The following REEP3 variants were observed in gnomAD, a reference collection of about 807,000 sequenced individuals.
The protein encoded by REEP3 is receptor expression-enhancing protein 3.
In REEP3, 20 loss-of-function variants were observed where a neutral mutation model predicts 41.3. The observed-to-expected ratio is 0.48, with a 90% CI of 0.34 to 0.70. The LOEUF is 0.70. Among genes scored for constraint, REEP3 ranks in the 30% least tolerant of loss-of-function variants. The pLI is 0.01. For synonymous variants in REEP3, 104 were observed against 101.8 expected (o/e 1.02, Z -0.13); for missense variants, 271 against 308.8 (o/e 0.88, Z 0.92).
chr10:63,547,629 C>T (rs1420574989), intron 1 of REEP3, among the ~76,000 whole-genome samples: 4 of 152,194 alleles, frequency 2.6e-5, no homozygotes, highest in Admixed American at 2.0e-4. Context: ...TGTACCATCA[C>T]ACCTTTAGGA....
chr10:63,605,191 A>G (rs947356470), intron 5 of REEP3, among the ~76,000 whole-genome samples: 5 of 152,258 alleles, frequency 3.3e-5, no homozygotes, highest in Non-Finnish European at 5.9e-5. Flanking sequence ...TTTTGGTGGT[A>G]GGTTACAAAT....
At chr10:63,600,781 T>C (rs753842219) in intron 5 of REEP3, among the ~76,000 whole-genome samples, 13 of 152,226 alleles carry the variant, frequency 8.5e-5, no homozygotes, top group African/African-American at 1.2e-4. Flanking sequence ...AAAGAATGAC[T>C]GACTCTAAGT....
intron 2 of REEP3, among the ~76,000 whole-genome samples, chr10:63,590,568 G>A (rs1200413679): frequency 2.0e-5 from 3 of 151,864 alleles, no homozygotes; most frequent in Non-Finnish European, 4.4e-5. Context: ...AGGCTACATA[G>A]AAGGGAGGTG....
intron 7 of REEP3, 118 bp downstream of exon 7, chr10:63,619,918 ATTTTT>A (rs71463534): frequency 1.1e-3 from 281 of 249,640 alleles, no homozygotes; most frequent in Non-Finnish European, 1.2e-3. Context: ...CAGCAGTTTG[ATTTTT>A]TTTTTTTTTT....
intron 2 of REEP3, among the ~76,000 whole-genome samples, chr10:63,590,375 A>T (rs1301844583): frequency 6.6e-6 from 1 of 152,206 alleles, no homozygotes; most frequent in Non-Finnish European, 1.5e-5. Context: ...TAATGTTGCC[A>T]CCTGAGTCCT....
intron 5 of REEP3, chr10:63,605,960 T>G: frequency 8.5e-5 from 17 of 200,994 alleles, no homozygotes; most frequent in South Asian, 1.7e-4. Flanking sequence ...ATCCAAAACC[T>G]GAGAATTTAG....
At chr10:63,575,005 C>T (rs1410193475) in intron 2 of REEP3, among the ~76,000 whole-genome samples, 6 of 151,660 alleles carry the variant, frequency 4.0e-5, no homozygotes, top group Admixed American at 6.6e-5. Flanking sequence ...TATAGGCATG[C>T]GCCACCATGC....
chr10:63,603,182 G>A lies in REEP3; in HGVS notation c.417+3899G>A, dbSNP rs1469925866. On this transcript the variant is annotated intron_variant, in intron 5 of 7. Coordinates refer to ENST00000373758, the MANE Select transcript of REEP3 (RefSeq NM_001001330.3). The stretch of plus-strand genomic sequence containing the variant: ...CAAAAAATTAGGTGGGCGTGGTGGT[G>A]GGTGCCTGTAGTCCCAGCAACTCGG... 6.6e-5 allele frequency among the ~76,000 whole-genome samples: 10 copies of A among 151,622 alleles called. 1 individual carries two copies. In the South Asian group the frequency reaches 1.0e-3, roughly 16 times the overall value.
rs557355379 is a variant in REEP3, at chr10:63,536,186, A to G, written c.32+14609A>G. On this transcript the variant is annotated intron_variant, in intron 1 of 7. Transcript: ENST00000373758. ...TGGTCACACAGCTGCCAAGTAGCAA[A>G]GCTATATGGCAGTTGAGCTCCGGAC... 1.1e-3 allele frequency among the ~76,000 whole-genome samples: 171 copies of G among 152,324 alleles called. 1 individual carries two copies. The highest frequency in any genetic ancestry group is 2.2e-3 in the Non-Finnish European group (149 of 68,022).
chr10:63,533,743 T>C (rs1471278178), intron 1 of REEP3, among the ~76,000 whole-genome samples: 2 of 149,128 alleles, frequency 1.3e-5, no homozygotes, highest in Non-Finnish European at 3.0e-5. Flanking sequence ...AGTCTCGCTC[T>C]GTCTCCCAGG....
chr10:63,610,047 G>T, intron 5 of REEP3, 140 bp from the exon 6 acceptor site: 1 of 656,292 alleles, frequency 1.5e-6, no homozygotes, highest in Non-Finnish European at 2.5e-6. Context: ...AGCAGATACC[G>T]CAAAATGTAA....
intron 5 of REEP3, among the ~76,000 whole-genome samples, chr10:63,600,425 G>A (rs1436376655): frequency 6.6e-6 from 1 of 152,106 alleles, no homozygotes; most frequent in African/African-American, 2.4e-5. Context: ...TTAATGGTCA[G>A]CACTTTAATA....
intron 3 of REEP3, 80 bp from the exon 4 acceptor site, chr10:63,597,944 C>CT: frequency 7.9e-7 from 1 of 1,261,642 alleles, no homozygotes; most frequent in South Asian, 1.5e-5. Flanking sequence ...AGTGACTGAA[C>CT]TTTTTAAAAG....
chr10:63,529,646 T>C (rs1380014082), intron 1 of REEP3, among the ~76,000 whole-genome samples: 1 of 151,840 alleles, frequency 6.6e-6, no homozygotes, highest in Admixed American at 6.6e-5. Context: ...TATTTTACTT[T>C]TGTAGAGATG....
chr10:63,581,226 A>G (rs1476206665), intron 2 of REEP3, among the ~76,000 whole-genome samples: 14 of 152,170 alleles, frequency 9.2e-5, no homozygotes, highest in Non-Finnish European at 1.6e-4. Flanking sequence ...CAGATTGTCA[A>G]CCAGATTGCC....
chr10:63,563,267 C>G (rs944201882), intron 1 of REEP3, among the ~76,000 whole-genome samples: 4 of 152,126 alleles, frequency 2.6e-5, no homozygotes, highest in African/African-American at 7.2e-5. Context: ...AGATAATAAC[C>G]TACAAAAATA....
At chr10:63,570,261 C>A (rs1955840496) in intron 2 of REEP3, among the ~76,000 whole-genome samples, 1 of 152,150 alleles carries the variant, frequency 6.6e-6, no homozygotes, top group Non-Finnish European at 1.5e-5. Flanking sequence ...GATAATCCAT[C>A]AGCATTCAAA....
At chr10:63,565,216 C>T (rs1174091126) in intron 1 of REEP3, among the ~76,000 whole-genome samples, 1 of 152,202 alleles carries the variant, frequency 6.6e-6, no homozygotes, top group Non-Finnish European at 1.5e-5. Flanking sequence ...GCTGAGATCG[C>T]ACCACTACAC....
chr10:63,587,811 G>C (rs148674141), intron 2 of REEP3, among the ~76,000 whole-genome samples: 40 of 152,170 alleles, frequency 2.6e-4, no homozygotes, highest in African/African-American at 9.6e-4. Context: ...CTGCAAAGAG[G>C]GGCTGAGGAA....
Sources: allele counts gnomAD v4.1 joint callset (sites outside exome capture counted in the v4.1 genomes callset), GRCh38; gene constraint gnomAD v4.1.1; transcripts MANE v1.5; gene names NCBI Gene and HGNC (gene_info 2026-07-23, HGNC 2026-07-21).